UNC13B: variants seen among roughly 807,000 people sequenced by gnomAD.
UNC13B encodes the protein unc-13 homolog B.
In UNC13B, 144 loss-of-function variants were observed where a neutral mutation model predicts 211.0. That is an observed-to-expected ratio of 0.68 (90% CI 0.60 to 0.78). UNC13B has a LOEUF of 0.78. Among genes scored for constraint, UNC13B ranks in the 30% least tolerant of loss-of-function variants. The probability of loss-of-function intolerance (pLI) is 0.00; values close to 1 mark genes in which losing one functional copy is unlikely to be tolerated. For missense variants in UNC13B, 1,777 were observed against 2,002.0 expected (o/e 0.89, Z 2.14); for synonymous variants, 709 against 725.8 (o/e 0.98, Z 0.37).
At chr9:35,365,748 C>T (rs1177505578) in intron 11 of UNC13B, among the ~76,000 whole-genome samples, 1 of 152,164 alleles carries the variant, frequency 6.6e-6, no homozygotes, top group African/African-American at 2.4e-5. Context: ...ACCTGGCCCT[C>T]CCATTACCAA....
At chr9:35,224,669 T>C (rs1299986699) in intron 1 of UNC13B, among the ~76,000 whole-genome samples, 1 of 151,988 alleles carries the variant, frequency 6.6e-6, no homozygotes, top group Admixed American at 6.6e-5. Context: ...CAGTACTAAG[T>C]TGAATGAGAG....
intron 11 of UNC13B, among the ~76,000 whole-genome samples, chr9:35,356,140 TGGACA>T (rs1833005250): frequency 6.6e-6 from 1 of 152,198 alleles, no homozygotes; most frequent in Admixed American, 6.5e-5. Flanking sequence ...GACAGAATCA[TGGACA>T]GGGTGCTCCA....
At chr9:35,318,435 A>G (rs1019317421) in intron 11 of UNC13B, among the ~76,000 whole-genome samples, 2 of 152,166 alleles carry the variant, frequency 1.3e-5, no homozygotes, top group Admixed American at 1.3e-4. Context: ...TCCACTCAAG[A>G]TAATCTTGTT....
intron 11 of UNC13B, among the ~76,000 whole-genome samples, chr9:35,329,984 C>A (rs1406822145): frequency 6.6e-6 from 1 of 152,148 alleles, no homozygotes; most frequent in African/African-American, 2.4e-5. Flanking sequence ...AGAGCCCATT[C>A]ACAATATTGT....
chr9:35,205,579 A>G (rs1823598372), intron 1 of UNC13B, among the ~76,000 whole-genome samples: 1 of 152,198 alleles, frequency 6.6e-6, no homozygotes, highest in Non-Finnish European at 1.5e-5. Context: ...CAACTGGGAA[A>G]CCACGAATCT....
intron 7 of UNC13B, among the ~76,000 whole-genome samples, chr9:35,292,857 G>A (rs559310853): frequency 1.3e-5 from 2 of 152,310 alleles, no homozygotes; most frequent in East Asian, 3.9e-4. Flanking sequence ...CCTGCACTCA[G>A]TTTCTCTCTG....
chr9:35,201,855 C>G (rs544371018), intron 1 of UNC13B, among the ~76,000 whole-genome samples: 1 of 151,872 alleles, frequency 6.6e-6, no homozygotes, highest in Non-Finnish European at 1.5e-5. Flanking sequence ...CTGCTCTGAT[C>G]TTAGTTATTT....
chr9:35,376,947 G>A (rs1205507344), intron 15 of UNC13B, among the ~76,000 whole-genome samples: 2 of 152,166 alleles, frequency 1.3e-5, no homozygotes, highest in Non-Finnish European at 2.9e-5. Flanking sequence ...GAAAAGCAGG[G>A]GTGAAGGAAG....
At chr9:35,195,167 T>C (rs560394137) in intron 1 of UNC13B, among the ~76,000 whole-genome samples, 1 of 152,310 alleles carries the variant, frequency 6.6e-6, no homozygotes, top group Admixed American at 6.5e-5. Context: ...GAAGGGAAGA[T>C]GGAGCCACTA....
At chr9:35,171,906 G>A (rs1177175364) in intron 1 of UNC13B, among the ~76,000 whole-genome samples, 2 of 152,132 alleles carry the variant, frequency 1.3e-5, no homozygotes. Context: ...ATTATAGCAG[G>A]AGTGATTTAG....
chr9:35,300,535 T>G lies in UNC13B; in HGVS notation c.1131T>G (p.Thr377=), dbSNP rs1260951160. Reference sequence around the variant, plus strand: ...TTCTTGAAGATTCTACTAGTAGTACTTCTGATGAACTTCTGGGTTCCCCCA... The same window carrying G: ...TTCTTGAAGATTCTACTAGTAGTACGTCTGATGAACTTCTGGGTTCCCCCA... ...LDILEDSTSS[T]SDELLGSPIS... Residue 377 remains threonine (T), a synonymous_variant, in exon 9 of 40, where the codon ACT becomes ACG. Coordinates refer to ENST00000635942, the MANE Select transcript of UNC13B (RefSeq NM_001371189.2). The G allele has an allele frequency of 5.0e-6, 2 of 398,918 alleles. No homozygotes were observed. The highest frequency in any genetic ancestry group is 8.8e-6 in the Non-Finnish European group (2 of 226,044). 24.7% of individuals were successfully genotyped at this position (398,918 alleles called of 1,614,324 possible).
Position 35,303,293 on chromosome 9 carries a change from A to G in UNC13B, c.3889A>G (p.Ser1297Gly). The G allele has an allele frequency of 2.5e-6, 1 of 398,630 alleles. No individual in the cohort carries two copies. Among genetic ancestry groups the G allele is most frequent in the Non-Finnish European group, 4.4e-6 (1 of 225,836 alleles). 24.7% of individuals were successfully genotyped at this position (398,630 alleles called of 1,614,324 possible). A position where few individuals can be genotyped will look rare whatever the true frequency, so the allele number is the denominator to read the frequency against. Residue 1297 changes from serine (S) to glycine (G), a missense_variant, in exon 9 of 40, where the codon AGT becomes GGT. Transcript: ENST00000635942. ...SENIVLHCAP[S>G]AQLGFLEKSM... ...GAACATTGTACTTCACTGTGCTCCA[A>G]GTGCTCAGCTAGGTTTTTTGGAGAA... is the stretch of plus-strand genomic sequence containing the variant.
chr9:35,401,874 C>A, intron 37 of UNC13B: 1 of 1,397,714 alleles, frequency 7.2e-7, no homozygotes, highest in Non-Finnish European at 9.9e-7. Context: ...TGGCTGTTAA[C>A]TCCTTAGACT....
chr9:35,263,330 C>T (rs138106071), intron 7 of UNC13B, among the ~76,000 whole-genome samples: 1 of 128,740 alleles, frequency 7.8e-6, no homozygotes, highest in African/African-American at 3.1e-5. Context: ...GGAACATTTT[C>T]ATGGAACTTG....
chr9:35,170,287 T>C (rs1349323314), intron 1 of UNC13B, among the ~76,000 whole-genome samples: 1 of 152,092 alleles, frequency 6.6e-6, no homozygotes, highest in Non-Finnish European at 1.5e-5. Flanking sequence ...TGACTCAGTC[T>C]CCTGAGTAGC....
At chr9:35,390,789 T>C in intron 26 of UNC13B, 75 bp downstream of exon 26, 1 of 1,400,728 alleles carries the variant, frequency 7.1e-7, no homozygotes, top group South Asian at 1.3e-5. Context: ...TTTCCTCTTC[T>C]AGACAACTAC....
chr9:35,220,093 G>A (rs909770604), intron 1 of UNC13B, among the ~76,000 whole-genome samples: 16 of 151,716 alleles, frequency 1.1e-4, no homozygotes, highest in African/African-American at 3.9e-4. Flanking sequence ...TGTTTATGCA[G>A]GTATAAGCAA....
intron 1 of UNC13B, among the ~76,000 whole-genome samples, chr9:35,188,164 C>T (rs1180728242): frequency 6.6e-6 from 1 of 152,162 alleles, no homozygotes; most frequent in Non-Finnish European, 1.5e-5. Flanking sequence ...CATTTTAGTT[C>T]TTCATAGTCC....
At chr9:35,313,838 G>C (rs574692876) in intron 10 of UNC13B, 61 bp from the exon 11 acceptor site, 1 of 1,335,132 alleles carries the variant, frequency 7.5e-7, no homozygotes, top group African/African-American at 1.4e-5. Flanking sequence ...GTCTTGCCTT[G>C]AGCAGTGTCA....
Sources: gnomAD v4.1 joint callset for allele counts (sites outside exome capture counted in the v4.1 genomes callset) on GRCh38, gnomAD v4.1.1 for gene constraint, MANE v1.5 for transcripts, NCBI Gene and HGNC (gene_info 2026-07-23, HGNC 2026-07-21) for gene names.